The following RBFOX1 variants were observed in gnomAD, a reference collection of about 807,000 sequenced individuals.
RBFOX1 encodes RNA binding protein fox-1 homolog 1.
In RBFOX1, 8 loss-of-function variants were observed where a neutral mutation model predicts 57.7. That is an observed-to-expected ratio of 0.14 (90% CI 0.08 to 0.25). The LOEUF is 0.25. Among genes scored for constraint, RBFOX1 ranks in the 10% least tolerant of loss-of-function variants. The pLI, the probability that RBFOX1 is intolerant of heterozygous loss-of-function variation, is 1.00. For missense variants in RBFOX1, 611 were observed against 548.5 expected (o/e 1.11, Z -1.14); for synonymous variants, 326 against 222.4 (o/e 1.47, Z -4.15).
chr16:7,425,811 C>G (rs762386168), intron 4 of RBFOX1, among the ~76,000 whole-genome samples: 4 of 152,080 alleles, frequency 2.6e-5, no homozygotes, highest in Non-Finnish European at 4.4e-5. Flanking sequence ...TTTTCCCTGA[C>G]GTGTAACAGT....
At chr16:7,673,099 G>A (rs1472878919) in intron 13 of RBFOX1, among the ~76,000 whole-genome samples, 2 of 152,064 alleles carry the variant, frequency 1.3e-5, no homozygotes, top group African/African-American at 4.8e-5. Context: ...GCTGAAGGAA[G>A]CATGCGTAAC....
At chr16:5,992,615 C>G (rs1364296594) in intron 4 of RBFOX1, among the ~76,000 whole-genome samples, 2 of 152,106 alleles carry the variant, frequency 1.3e-5, no homozygotes, top group Admixed American at 6.6e-5. Flanking sequence ...CGATGAGAAA[C>G]TAATATTTTC....
intron 4 of RBFOX1, among the ~76,000 whole-genome samples, chr16:5,968,826 G>C (rs974675188): frequency 6.6e-6 from 1 of 151,720 alleles, no homozygotes; most frequent in Non-Finnish European, 1.5e-5. Flanking sequence ...TCTTTTTCAA[G>C]GACTCTTATC....
intron 1 of RBFOX1, among the ~76,000 whole-genome samples, chr16:6,298,653 A>G (rs1317926431): frequency 2.0e-5 from 3 of 152,170 alleles, no homozygotes; most frequent in Non-Finnish European, 4.4e-5. Flanking sequence ...TGGGTTGGCA[A>G]CAGCGCTCAT....
chr16:6,563,495 C>G lies in RBFOX1; in HGVS notation c.-63-91108C>G, dbSNP rs144891370. Among the ~76,000 whole-genome samples, 3 of 152,246 alleles carry G rather than the reference C, an allele frequency of 2.0e-5. No homozygotes were observed. In the East Asian group the frequency reaches 5.8e-4, roughly 29 times the overall value. The stretch of plus-strand genomic sequence containing the variant: ...CATCCCTAGAGCCCAGAGTCCCTTA[C>G]ATCTACTCTACCTTGTCTCCCAAGG... On this transcript the variant is annotated intron_variant, in intron 2 of 15. Transcript: ENST00000550418.
At chr16:5,712,056 C>T (rs1322562250) in intron 3 of RBFOX1, among the ~76,000 whole-genome samples, 1 of 152,192 alleles carries the variant, frequency 6.6e-6, no homozygotes, top group Non-Finnish European at 1.5e-5. Flanking sequence ...GCAGGCATGT[C>T]TTACATGGTG....
intron 4 of RBFOX1, among the ~76,000 whole-genome samples, chr16:5,968,995 G>T (rs1319373738): frequency 6.6e-6 from 1 of 151,940 alleles, no homozygotes; most frequent in Non-Finnish European, 1.5e-5. Flanking sequence ...ATATTGATTT[G>T]CCCTTAGGTT....
intron 3 of RBFOX1, among the ~76,000 whole-genome samples, chr16:6,857,389 T>G (rs917242307): frequency 7.9e-5 from 12 of 152,048 alleles, no homozygotes; most frequent in Non-Finnish European, 1.5e-4. Context: ...GAGGTCTCCA[T>G]CCTACGAAGC....
At chr16:6,295,702 G>A (rs964699145) in intron 1 of RBFOX1, among the ~76,000 whole-genome samples, 2 of 152,188 alleles carry the variant, frequency 1.3e-5, no homozygotes, top group Non-Finnish European at 2.9e-5. Context: ...TGATGCTGAA[G>A]GTACCATTAC....
chr16:5,322,698 A>G (rs4786671), intron 1 of RBFOX1, among the ~76,000 whole-genome samples: 148,618 of 152,274 alleles, frequency 0.98, 72,620 homozygotes, highest in Middle Eastern at 1. Context: ...CTCCCCCAGT[A>G]ATCTCCTTAT....
intron 1 of RBFOX1, among the ~76,000 whole-genome samples, chr16:5,378,664 G>A (rs958658253): frequency 6.6e-6 from 1 of 151,578 alleles, no homozygotes; most frequent in East Asian, 1.9e-4. Context: ...CACTGCTGGA[G>A]AGGAAGAGTT....
At chr16:7,247,150 C>T (rs534937247) in intron 4 of RBFOX1, among the ~76,000 whole-genome samples, 1 of 152,148 alleles carries the variant, frequency 6.6e-6, no homozygotes, top group African/African-American at 2.4e-5. Context: ...GGAGGGAACT[C>T]TGGTCCCTGT....
intron 4 of RBFOX1, among the ~76,000 whole-genome samples, chr16:7,053,453 A>G (rs1178333281): frequency 1.3e-5 from 2 of 152,132 alleles, no homozygotes; most frequent in Non-Finnish European, 2.9e-5. Flanking sequence ...ACAACTTTAG[A>G]TTTCTCTTGC....
At position 7,430,577 on chromosome 16, in the gene RBFOX1, G is replaced by A. The variant is rs1027396292; in HGVS notation, c.28-87570G>A. On this transcript the variant is annotated intron_variant, in intron 4 of 15. Coordinates refer to ENST00000550418, the MANE Select transcript of RBFOX1 (RefSeq NM_018723.4). ...CTCGAGAGGCTGAGGCAGAAGAATT[G>A]CTTCAACCCAGGAGACAGAGGTTTC... Among the ~76,000 whole-genome samples, 3 of 150,958 alleles carry A rather than the reference G, an allele frequency of 2.0e-5. No homozygotes were observed. The East Asian group carries it at 5.9e-4, about 30-fold the overall frequency.
intron 3 of RBFOX1, among the ~76,000 whole-genome samples, chr16:6,998,717 T>C (rs1316554322): frequency 6.6e-6 from 1 of 152,146 alleles, no homozygotes; most frequent in Non-Finnish European, 1.5e-5. Context: ...CTACAGGTTG[T>C]CTTGTACAGA....
intron 2 of RBFOX1, among the ~76,000 whole-genome samples, chr16:6,598,801 C>T (rs868583618): frequency 1.3e-5 from 2 of 152,064 alleles, no homozygotes; most frequent in Non-Finnish European, 2.9e-5. Flanking sequence ...CAAAAATTAG[C>T]TGGGCATGGT....
chr16:7,493,201 A>G (rs938694405), intron 4 of RBFOX1, among the ~76,000 whole-genome samples: 10 of 152,116 alleles, frequency 6.6e-5, no homozygotes, highest in African/African-American at 2.4e-4. Flanking sequence ...TTCTTTGTAA[A>G]ATACCCATTC....
In RBFOX1 at chr16:5,910,291, A is replaced by G. The variant is rs71392445; in HGVS notation, c.351+42956A>G. On this transcript the variant is annotated intron_variant, in intron 4 of 19. Transcript: ENST00000641259. ...TCAGGGAGAAGTTTCACATAGCATCACACAGAGGGGCACGTTCTCCCGTTC... is the reference window on the plus strand; with the variant it reads ...TCAGGGAGAAGTTTCACATAGCATCGCACAGAGGGGCACGTTCTCCCGTTC... Among the ~76,000 whole-genome samples the G allele has an allele frequency of 3.1e-3, 468 of 152,128 alleles. 3 individuals are homozygous for G. The highest frequency in any genetic ancestry group is 5.4e-3 in the Non-Finnish European group (366 of 68,002).
intron 3 of RBFOX1, among the ~76,000 whole-genome samples, chr16:5,703,283 G>C (rs747341276): frequency 6.6e-6 from 1 of 152,202 alleles, no homozygotes; most frequent in Admixed American, 6.5e-5. Context: ...CTTTCTGGAG[G>C]ATATGATATT....
Sources: allele counts gnomAD v4.1 joint callset (sites outside exome capture counted in the v4.1 genomes callset), GRCh38; gene constraint gnomAD v4.1.1; transcripts MANE v1.5; gene names NCBI Gene and HGNC (gene_info 2026-07-23, HGNC 2026-07-21).